The following PTPRT variants were observed in gnomAD, a reference collection of about 807,000 sequenced individuals.
The protein encoded by PTPRT is receptor-type tyrosine-protein phosphatase T.
Under a neutral mutation model 176.8 loss-of-function variants are expected in PTPRT, and 56 were observed. The observed-to-expected ratio is 0.32, with a 90% CI of 0.26 to 0.40. The LOEUF (loss-of-function observed/expected upper bound fraction) is 0.40, where lower values mean the gene tolerates loss of function less well. Ranked by LOEUF, PTPRT falls within the 10% of genes least tolerant of loss-of-function variation. The probability of loss-of-function intolerance (pLI) is 1.00; values close to 1 mark genes in which losing one functional copy is unlikely to be tolerated. For synonymous variants in PTPRT, 783 were observed against 739.0 expected, an observed-to-expected ratio of 1.06 and a Z score of -0.96; for missense variants, 1,540 against 1,908.2, an observed-to-expected ratio of 0.81 and a Z score of 3.60.
At chr20:43,113,146 T>C (rs1429261483) in intron 1 of PTPRT, among the ~76,000 whole-genome samples, 2 of 152,170 alleles carry the variant, frequency 1.3e-5, no homozygotes, top group Admixed American at 1.3e-4. Flanking sequence ...ATTCATGATA[T>C]AAACGTGTCT....
At chr20:42,158,600 A>T (rs1989456377) in intron 17 of PTPRT, among the ~76,000 whole-genome samples, 1 of 152,192 alleles carries the variant, frequency 6.6e-6, no homozygotes, top group Non-Finnish European at 1.5e-5. Flanking sequence ...TGTGACTCCT[A>T]TGCTCAGGAG....
chr20:43,022,595 T>A (rs1387746170), intron 1 of PTPRT, among the ~76,000 whole-genome samples: 1 of 152,136 alleles, frequency 6.6e-6, no homozygotes, highest in Non-Finnish European at 1.5e-5. Context: ...GGGGGCTGAT[T>A]CCAAGAGCTG....
intron 1 of PTPRT, among the ~76,000 whole-genome samples, chr20:43,014,388 T>G (rs1286715545): frequency 6.6e-6 from 1 of 152,182 alleles, no homozygotes; most frequent in South Asian, 2.1e-4. Flanking sequence ...TCAAGTCCAA[T>G]TTCACAAGCC....
chr20:42,531,963 C>T (rs910371866), intron 7 of PTPRT, among the ~76,000 whole-genome samples: 9 of 152,194 alleles, frequency 5.9e-5, no homozygotes, highest in African/African-American at 1.9e-4. Context: ...TGAGCGTGCC[C>T]TCATGGGAGC....
chr20:42,756,514 G>A lies in PTPRT; in HGVS notation c.807C>T (p.Ile269=). The change falls in exon 6 of 31, where the codon ATC becomes ATT. Residue 269 remains isoleucine (I), a synonymous_variant. Transcript: ENST00000373187. The part of the protein sequence containing the change: ...QRSVSKYRCV[I]RSDGGSGVSN... ...ACACACCAGACCCACCATCAGAGCG[G>A]ATCACACAGCGGTACTTGCTGACGC... The A allele has an allele frequency of 6.2e-7, 1 of 1,611,238 alleles. No individual in the cohort carries two copies. The highest frequency in any genetic ancestry group is 1.1e-5 in the South Asian group (1 of 90,780).
At chr20:42,801,871 A>G (rs925254609) in intron 2 of PTPRT, among the ~76,000 whole-genome samples, 1 of 152,212 alleles carries the variant, frequency 6.6e-6, no homozygotes, top group African/African-American at 2.4e-5. Context: ...AAGAAATTGC[A>G]GACAGAATGC....
Position 42,081,946 on chromosome 20 carries a change from A to T in PTPRT, c.4208T>A (p.Ile1403Asn), listed in dbSNP as rs750866580. ...TTTCACGATGTGGAACACGTCAATG[A>T]TGTTTTGCTGCTGGATCATCTCACA... ...SVCEMIQQQN[I>N]IDVFHIVKTL... The change falls in exon 30 of 31, where the codon ATC becomes AAC. Residue 1403 changes from isoleucine to asparagine, a missense_variant. This residue lies in a region of PTPRT where 342 missense variants were observed against 394.0 expected (regional missense o/e 0.87). Coordinates refer to ENST00000373187, the MANE Select transcript of PTPRT (RefSeq NM_007050.6). 1.9e-6 allele frequency: 3 copies of T among 1,614,100 alleles called. No individual in the cohort carries two copies. In the Admixed American group the frequency reaches 5.0e-5, roughly 27 times the overall value.
Position 42,411,389 on chromosome 20 carries a change from C to T in PTPRT, c.1560+36831G>A, listed in dbSNP as rs373114569. 7.9e-5 allele frequency among the ~76,000 whole-genome samples: 12 copies of T among 151,688 alleles called. No homozygotes were observed. The East Asian group carries it at 1.2e-3, about 15-fold the overall frequency. On this transcript the variant is annotated intron_variant, in intron 9 of 30. Coordinates refer to ENST00000373187, the MANE Select transcript of PTPRT (RefSeq NM_007050.6). ...AAAATTAGCCAGGCATGGTGGTGTG[C>T]GCCTGTAATCCCAGCTACTCAGGAG...
At chr20:42,099,298 C>G (rs1019026995) in intron 26 of PTPRT, among the ~76,000 whole-genome samples, 2 of 151,782 alleles carry the variant, frequency 1.3e-5, no homozygotes, top group African/African-American at 2.4e-5. Flanking sequence ...ACCTGGAAAA[C>G]GGAAATCATA....
intron 1 of PTPRT, among the ~76,000 whole-genome samples, chr20:43,175,357 G>A (rs893595362): frequency 6.6e-6 from 1 of 152,364 alleles, no homozygotes; most frequent in South Asian, 2.1e-4. Flanking sequence ...TACAAACTCG[G>A]AAATAAGGCC....
intron 12 of PTPRT, among the ~76,000 whole-genome samples, chr20:42,290,369 T>C (rs763693362): frequency 2.0e-5 from 3 of 152,086 alleles, no homozygotes; most frequent in Non-Finnish European, 4.4e-5. Context: ...GTCCTTACTG[T>C]TGTGCTCTGT....
intron 1 of PTPRT, among the ~76,000 whole-genome samples, chr20:43,186,845 T>C (rs993158801): frequency 7.2e-5 from 11 of 152,212 alleles, no homozygotes. Flanking sequence ...AATGACTACA[T>C]TGCTAACAAT....
chr20:42,655,493 T>C (rs2075109606), intron 7 of PTPRT, among the ~76,000 whole-genome samples: 1 of 152,012 alleles, frequency 6.6e-6, no homozygotes, highest in Non-Finnish European at 1.5e-5. Context: ...TCCATCTTTT[T>C]AAGAAAAAAA....
At chr20:42,650,041 G>A (rs1007205484) in intron 7 of PTPRT, among the ~76,000 whole-genome samples, 1 of 152,148 alleles carries the variant, frequency 6.6e-6, no homozygotes, top group African/African-American at 2.4e-5. Context: ...TTGGTCACAT[G>A]ACCACACTCA....
chr20:42,825,488 T>C (rs1192873345), intron 2 of PTPRT, among the ~76,000 whole-genome samples: 1 of 152,176 alleles, frequency 6.6e-6, no homozygotes, highest in African/African-American at 2.4e-5. Context: ...GTAACAGGAC[T>C]TATAGCTTGC....
At chr20:42,213,659 A>G (rs1262389742) in intron 15 of PTPRT, among the ~76,000 whole-genome samples, 1 of 152,212 alleles carries the variant, frequency 6.6e-6, no homozygotes, top group African/African-American at 2.4e-5. Flanking sequence ...AAATTTGGAC[A>G]GAAGTGCACT....
At chr20:42,263,653 A>G (rs932224759) in intron 13 of PTPRT, among the ~76,000 whole-genome samples, 4 of 149,352 alleles carry the variant, frequency 2.7e-5, no homozygotes, top group African/African-American at 9.9e-5. Context: ...GGCTGGGATT[A>G]TAGACATGAG....
rs374488066 is a variant in PTPRT, at chr20:42,872,473, G to A, written c.214+13334C>T. Among the ~76,000 whole-genome samples, 7 of 152,308 alleles carry A rather than the reference G, an allele frequency of 4.6e-5. No individual in the cohort carries two copies. In the South Asian group the frequency reaches 6.2e-4, roughly 14 times the overall value. On this transcript the variant is annotated intron_variant, in intron 2 of 30. Transcript: ENST00000373187. The stretch of plus-strand genomic sequence containing the variant: ...CTGGGCTCTCAGGGATAGATTGTAC[G>A]TCAGGTGCCCTACCTCCATATACTC...
At chr20:42,046,778 A>AGTGTGTGTGTGTGTGT in the PTPRT span, among the ~76,000 whole-genome samples, 20 of 150,706 alleles carry the variant, frequency 1.3e-4, no homozygotes, top group Non-Finnish European at 1.0e-4. Flanking sequence ...TTGTCATGTG[A>AGTGTGTGTGTGTGTGT]GTGTGTGTGT....
Sources: allele counts gnomAD v4.1 joint callset (sites outside exome capture counted in the v4.1 genomes callset), GRCh38; gene constraint gnomAD v4.1.1; regional missense constraint gnomAD v4.1.1; transcripts MANE v1.5; gene names NCBI Gene and HGNC (gene_info 2026-07-23, HGNC 2026-07-21).